MED13L: variants seen among roughly 807,000 people sequenced by gnomAD.
MED13L encodes the protein mediator complex subunit 13L.
In MED13L, 7 loss-of-function variants were observed where a neutral mutation model predicts 220.9. That is an observed-to-expected ratio of 0.03 (90% CI 0.02 to 0.06). The LOEUF (loss-of-function observed/expected upper bound fraction) is 0.06. Ranked by LOEUF, MED13L falls within the 10% of genes least tolerant of loss-of-function variation. The pLI is 1.00. For missense variants in MED13L, 1,965 were observed against 2,760.5 expected (o/e 0.71, Z 6.46); for synonymous variants, 1,011 against 1,015.2 (o/e 1.00, Z 0.08).
intron 4 of MED13L, among the ~76,000 whole-genome samples, chr12:116,048,662 T>A (rs545953390): frequency 6.6e-6 from 1 of 152,262 alleles, no homozygotes; most frequent in South Asian, 2.1e-4. Flanking sequence ...TGTTTTTTTT[T>A]TAATATGCAG....
intron 4 of MED13L, among the ~76,000 whole-genome samples, chr12:116,080,215 A>G (rs562841948): frequency 3.9e-5 from 6 of 152,176 alleles, no homozygotes; most frequent in Non-Finnish European, 8.8e-5. Context: ...CAAGGGGCTG[A>G]CCTTCTTTAT....
At chr12:116,253,218 G>A (rs1361917721) in intron 1 of MED13L, among the ~76,000 whole-genome samples, 2 of 141,468 alleles carry the variant, frequency 1.4e-5, no homozygotes. Flanking sequence ...GTTGCACTAA[G>A]CCAAGATGGC....
chr12:116,098,481 T>C (rs1326519425), intron 3 of MED13L, among the ~76,000 whole-genome samples: 3 of 152,166 alleles, frequency 2.0e-5, no homozygotes, highest in Admixed American at 2.0e-4. Flanking sequence ...ATTGAGGCAA[T>C]TCTGCACATG....
In MED13L at chr12:116,277,632, C is replaced by T. The variant is rs1461833484; in HGVS notation, c.-501G>A. ...TCCTTCCTCTTCCTCCCCCACCCCC[C>T]CCTCCTCCCCAGTCAGCCTCGCTTC... is the stretch of plus-strand genomic sequence containing the variant. On this transcript the variant is annotated 5_prime_UTR_variant, in exon 1 of 31. Transcript: ENST00000281928. 1.3e-5 allele frequency among the ~76,000 whole-genome samples: 2 copies of T among 149,776 alleles called. No individual in the cohort carries two copies. Among genetic ancestry groups the T allele is most frequent in the Non-Finnish European group, 3.0e-5 (2 of 67,062 alleles).
At chr12:116,039,368 G>A (rs1472984835) in intron 4 of MED13L, among the ~76,000 whole-genome samples, 3 of 152,162 alleles carry the variant, frequency 2.0e-5, no homozygotes, top group Admixed American at 2.0e-4. Context: ...CAGCAAAAGA[G>A]AAATAAAATT....
chr12:116,250,646 A>G (rs1304954892), intron 1 of MED13L, among the ~76,000 whole-genome samples: 2 of 150,566 alleles, frequency 1.3e-5, no homozygotes, highest in African/African-American at 4.9e-5. Context: ...GAGTGGTGGC[A>G]CGCTCCTGTA....
At chr12:116,150,793 T>C (rs1407633049) in intron 2 of MED13L, among the ~76,000 whole-genome samples, 1 of 152,222 alleles carries the variant, frequency 6.6e-6, no homozygotes, top group Non-Finnish European at 1.5e-5. Flanking sequence ...GAAAGTAGTT[T>C]AGTCTAGATT....
At chr12:116,053,377 T>C (rs1868668999) in intron 4 of MED13L, among the ~76,000 whole-genome samples, 3 of 152,178 alleles carry the variant, frequency 2.0e-5, no homozygotes, top group African/African-American at 7.2e-5. Context: ...TAGGAAGACA[T>C]TATTCTGGCT....
intron 4 of MED13L, among the ~76,000 whole-genome samples, chr12:116,035,277 GA>G (rs1389953683): frequency 6.6e-6 from 1 of 152,080 alleles, no homozygotes. Context: ...TATAAAGGGG[GA>G]AAAATTCTGG....
intron 2 of MED13L, among the ~76,000 whole-genome samples, chr12:116,187,002 G>A (rs769183476): frequency 2.6e-5 from 4 of 151,990 alleles, no homozygotes; most frequent in South Asian, 2.1e-4. Context: ...CTGCTATGCC[G>A]CACACAGCAT....
chr12:116,111,369 C>T lies in MED13L; in HGVS notation c.395+59G>A, dbSNP rs181624925. ...GTTTTTGAAAATTACAGGAAACTCT[C>T]GGTATCTAGCAATATACTTGGTTGT... is the stretch of plus-strand genomic sequence containing the variant. On this transcript the variant is annotated intron_variant, in intron 3 of 30. Transcript: ENST00000281928. The T allele has an allele frequency of 7.5e-3, 10,082 of 1,339,042 alleles. 70 individuals carry two copies. Among genetic ancestry groups the T allele is most frequent in the Non-Finnish European group, 8.1e-3 (7,581 of 933,432 alleles). 82.9% of individuals were successfully genotyped at this position (1,339,042 alleles called of 1,614,324 possible).
At chr12:116,216,547 T>G (rs538419692) in intron 2 of MED13L, among the ~76,000 whole-genome samples, 3 of 152,264 alleles carry the variant, frequency 2.0e-5, no homozygotes, top group African/African-American at 7.2e-5. Flanking sequence ...GGAAGAAATG[T>G]ATGCAAAGGT....
At chr12:116,012,947 AC>A (rs1171432839) in intron 8 of MED13L, 46 bp from the exon 9 acceptor site, 32 of 1,342,074 alleles carry the variant, frequency 2.4e-5, no homozygotes, top group Non-Finnish European at 3.1e-5. Flanking sequence ...TAATACCCAT[AC>A]CCCTGGGGAG....
At chr12:116,116,085 C>T (rs994597059) in intron 2 of MED13L, among the ~76,000 whole-genome samples, 14 of 152,090 alleles carry the variant, frequency 9.2e-5, no homozygotes, top group African/African-American at 3.4e-4. Context: ...TCCTAAAATC[C>T]TTGAAATGTC....
intron 2 of MED13L, among the ~76,000 whole-genome samples, chr12:116,128,601 G>A (rs1034461359): frequency 2.6e-5 from 4 of 152,056 alleles, no homozygotes; most frequent in African/African-American, 4.8e-5. Context: ...ATTTAGAAAT[G>A]GAATTAACTC....
intron 1 of MED13L, among the ~76,000 whole-genome samples, chr12:116,249,418 C>T (rs1254946871): frequency 1.3e-5 from 2 of 152,054 alleles, no homozygotes; most frequent in African/African-American, 4.8e-5. Flanking sequence ...AAATAAAATC[C>T]AGACTTTCAA....
chr12:116,259,643 A>C (rs1872348733), intron 1 of MED13L, among the ~76,000 whole-genome samples: 1 of 152,186 alleles, frequency 6.6e-6, no homozygotes, highest in East Asian at 1.9e-4. Flanking sequence ...TGTACCATGA[A>C]TCTTTCTACC....
At chr12:115,965,842 C>A (rs535569758) in intron 29 of MED13L, among the ~76,000 whole-genome samples, 34 of 152,106 alleles carry the variant, frequency 2.2e-4, no homozygotes, top group Non-Finnish European at 3.8e-4. Flanking sequence ...ACCCTCTGGG[C>A]CCCACTGTTT....
At chr12:116,142,788 C>T (rs976584325) in intron 2 of MED13L, among the ~76,000 whole-genome samples, 5 of 152,180 alleles carry the variant, frequency 3.3e-5, no homozygotes, top group Non-Finnish European at 5.9e-5. Context: ...GACACTTTTA[C>T]ATTACACACA....
Sources: gnomAD v4.1 joint callset for allele counts (sites outside exome capture counted in the v4.1 genomes callset) on GRCh38, gnomAD v4.1.1 for gene constraint, MANE v1.5 for transcripts, NCBI Gene and HGNC (gene_info 2026-07-23, HGNC 2026-07-21) for gene names.